WDR41: variants seen among roughly 807,000 people sequenced by gnomAD.
The protein encoded by WDR41 is WD repeat-containing protein 41.
A neutral mutation model predicts 69.3 loss-of-function variants in WDR41; 63 were observed. That is an observed-to-expected ratio of 0.91 (90% confidence interval 0.74 to 1.12). The LOEUF (loss-of-function observed/expected upper bound fraction) is 1.12. Ranked by LOEUF, WDR41 falls within the 50% of genes most tolerant of loss-of-function variation. The probability of loss-of-function intolerance (pLI) is 0.00; values close to 1 mark genes in which losing one functional copy is unlikely to be tolerated. For missense variants in WDR41, 543 were observed against 534.5 expected, an observed-to-expected ratio of 1.02 and a Z score of -0.16; for synonymous variants, 185 against 192.1, an observed-to-expected ratio of 0.96 and a Z score of 0.31.
intron 2 of WDR41, among the ~76,000 whole-genome samples, chr5:77,480,871 G>C (rs989102235): frequency 6.6e-6 from 1 of 151,186 alleles, no homozygotes; most frequent in African/African-American, 2.4e-5. Context: ...AAAAAAATCT[G>C]TGTGACTTCT....
intron 12 of WDR41, among the ~76,000 whole-genome samples, chr5:77,434,399 G>A (rs924695636): frequency 1.3e-5 from 2 of 152,100 alleles, no homozygotes; most frequent in African/African-American, 4.8e-5. Flanking sequence ...CAGGAGTGAA[G>A]GGAGGAAACA....
chr5:77,508,337 C>T (rs1046590954), intron 1 of WDR41, among the ~76,000 whole-genome samples: 1 of 152,128 alleles, frequency 6.6e-6, no homozygotes, highest in African/African-American at 2.4e-5. Context: ...TGATCTTGAA[C>T]TCCTGGGCTC....
intron 1 of WDR41, chr5:77,620,398 G>A (rs1268657811): frequency 2.3e-6 from 1 of 440,300 alleles, no homozygotes. Flanking sequence ...TAGGGGAAAA[G>A]AATTTGAAAG....
chr5:77,438,808 AC>A lies in WDR41; in HGVS notation c.883-448del, dbSNP rs138001438. On this transcript the variant is annotated intron_variant, in intron 9 of 12. Transcript: ENST00000296679. ...CACATCTTAAGCAATCAGGAGACCT[AC>A]AAGTGATACAAAAAAGCACGGCTAC... Among the ~76,000 whole-genome samples, 6 of 152,246 alleles carry A rather than the reference AC, an allele frequency of 3.9e-5. No individual in the cohort carries two copies. The East Asian group carries it at 1.2e-3, about 29-fold the overall frequency.
chr5:77,551,894 G>T (rs367893961), intron 1 of WDR41, among the ~76,000 whole-genome samples: 2 of 151,398 alleles, frequency 1.3e-5, no homozygotes, highest in Non-Finnish European at 2.9e-5. Flanking sequence ...CATGAGAATC[G>T]CTTGAACTAG....
chr5:77,613,508 G>C (rs1337666607), intron 1 of WDR41, among the ~76,000 whole-genome samples: 11 of 152,002 alleles, frequency 7.2e-5, no homozygotes, highest in African/African-American at 2.7e-4. Context: ...ACAACTATCT[G>C]ATCTTTGACA....
intron 9 of WDR41, 94 bp downstream of exon 9, chr5:77,440,719 T>C (rs549954315): frequency 2.5e-4 from 305 of 1,243,860 alleles, no homozygotes; most frequent in Non-Finnish European, 3.2e-4. Context: ...GAATGATACC[T>C]TTTTTATGTC....
At chr5:77,502,509 A>G (rs1416131395) in intron 1 of WDR41, among the ~76,000 whole-genome samples, 1 of 152,202 alleles carries the variant, frequency 6.6e-6, no homozygotes, top group Non-Finnish European at 1.5e-5. Context: ...CAAATTCAGA[A>G]AAATAGATAA....
intron 1 of WDR41, among the ~76,000 whole-genome samples, chr5:77,579,477 C>A (rs1743895436): frequency 6.6e-6 from 1 of 152,074 alleles, no homozygotes; most frequent in South Asian, 2.1e-4. Flanking sequence ...TAACAGCAAA[C>A]TATGAAACAA....
At chr5:77,530,119 TAAGAGACCATGAC>T (rs1459533795) in intron 1 of WDR41, among the ~76,000 whole-genome samples, 13 of 151,472 alleles carry the variant, frequency 8.6e-5, no homozygotes, top group Non-Finnish European at 1.8e-4. Flanking sequence ...AAAACCACGA[TAAGAGACCATGAC>T]ATGTCCACCA....
At chr5:77,436,445 A>T (rs1373683041) in intron 11 of WDR41, 51 bp from the exon 12 acceptor site, 1 of 1,590,684 alleles carries the variant, frequency 6.3e-7, no homozygotes, top group Non-Finnish European at 8.6e-7. Flanking sequence ...TTACAATAAC[A>T]TGAGATCAGA....
intron 1 of WDR41, among the ~76,000 whole-genome samples, chr5:77,575,984 C>T (rs1442658642): frequency 2.0e-5 from 3 of 152,150 alleles, no homozygotes; most frequent in Admixed American, 6.5e-5. Context: ...GGCAGTCAGT[C>T]GGTCATACAA....
chr5:77,476,893 G>C (rs909809686), intron 2 of WDR41, among the ~76,000 whole-genome samples: 1 of 143,226 alleles, frequency 7.0e-6, no homozygotes, highest in Non-Finnish European at 1.5e-5. Context: ...TGGATAAAGA[G>C]TCAAGACCCA....
chr5:77,571,352 C>T (rs998814789), intron 1 of WDR41, among the ~76,000 whole-genome samples: 3 of 151,700 alleles, frequency 2.0e-5, no homozygotes, highest in Non-Finnish European at 2.9e-5. Flanking sequence ...CTGAGTTATG[C>T]AAATATTCAT....
At chr5:77,582,289 A>T in intron 1 of WDR41, 1 of 1,306,282 alleles carries the variant, frequency 7.7e-7, no homozygotes, top group Non-Finnish European at 1.1e-6. Flanking sequence ...TGGCTCAGCA[A>T]GAAAGTAGAC....
At chr5:77,472,351 T>C (rs10065455) in intron 2 of WDR41, among the ~76,000 whole-genome samples, 50,017 of 151,398 alleles carry the variant, frequency 0.33, 8,338 homozygotes, top group Admixed American at 0.35. Context: ...GCATTCCCTT[T>C]GAAAACTGGC....
At chr5:77,506,375 A>T (rs1202218359) in intron 1 of WDR41, among the ~76,000 whole-genome samples, 1 of 152,218 alleles carries the variant, frequency 6.6e-6, no homozygotes, top group East Asian at 1.9e-4. Context: ...GTCATTAAAA[A>T]GTCAGGAAAC....
Position 77,449,859 on chromosome 5 carries a change from A to T in WDR41, c.598T>A (p.Leu200Met), listed in dbSNP as rs760332325. Reference sequence around the variant, plus strand: ...AGTGATCCTTCTGTGGGTGCTACCAACCTGAAAATTACTAAATGAAAAAGA... The same window carrying T: ...AGTGATCCTTCTGTGGGTGCTACCATCCTGAAAATTACTAAATGAAAAAGA... Reference protein sequence around the residue: ...AVGKELIIFRLVAPTEGSLEW... With the variant: ...AVGKELIIFRMVAPTEGSLEW... Residue 200 changes from leucine to methionine, a missense_variant, in exon 8 of 13, where the codon TTG becomes ATG. Transcript: ENST00000296679. 3.7e-6 allele frequency: 6 copies of T among 1,610,838 alleles called. No individual in the cohort carries two copies. The highest frequency in any genetic ancestry group is 5.1e-6 in the Non-Finnish European group (6 of 1,177,596).
chr5:77,502,962 C>T (rs1029824975), intron 1 of WDR41, among the ~76,000 whole-genome samples: 6 of 151,986 alleles, frequency 3.9e-5, no homozygotes, highest in Non-Finnish European at 7.4e-5. Flanking sequence ...CATCAATTAA[C>T]GGGAAAAATA....
Sources: gnomAD v4.1 joint callset for allele counts (sites outside exome capture counted in the v4.1 genomes callset) on GRCh38, gnomAD v4.1.1 for gene constraint, MANE v1.5 for transcripts, NCBI Gene and HGNC (gene_info 2026-07-23, HGNC 2026-07-21) for gene names.